INAFM2: variants seen among roughly 807,000 people sequenced by gnomAD.
The protein encoded by INAFM2 is putative transmembrane protein INAFM2.
In INAFM2, 3 loss-of-function variants were observed where a neutral mutation model predicts 5.6. The ratio of observed to expected loss-of-function variants is 0.54; its 90% CI spans 0.24 to 1.39. The LOEUF (loss-of-function observed/expected upper bound fraction) is 1.39. Ranked by LOEUF, INAFM2 falls within the 40% of genes most tolerant of loss-of-function variation. INAFM2 has a pLI of 0.16. For missense variants in INAFM2, 186 were observed against 217.5 expected, an observed-to-expected ratio of 0.86 and a Z score of 0.91; for synonymous variants, 113 against 109.1, an observed-to-expected ratio of 1.04 and a Z score of -0.22.
rs961004579 is a variant in INAFM2 at position 40,324,662 on chromosome 15, G to C, written c.*145G>C. The C allele has an allele frequency of 5.4e-6, 3 of 550,836 alleles. No individual in the cohort carries two copies. In the Admixed American group the frequency reaches 1.3e-4, roughly 25 times the overall value. The allele number at this position is 550,836 out of a possible 1,614,324, so 34.1% of individuals were successfully genotyped here. On this transcript the variant is annotated 3_prime_UTR_variant, in exon 1 of 1. Transcript: ENST00000638170. ...ACTCCCACCATCGCCGGCTGGCCCC[G>C]GAGCGGGAGGCCCGCAGCCAGATCT...
rs1322533414 is a variant in INAFM2 at position 40,324,193 on chromosome 15, G to A, written c.138G>A (p.Val46=). ...LATVFAYVLS[V]SLAAIVLAVY... is the part of the protein sequence containing the mutation. ...CCGTGTTCGCCTACGTGCTCTCCGTGTCGCTGGCCGCCATCGTGCTCGCCG... is the reference window on the plus strand; with the variant it reads ...CCGTGTTCGCCTACGTGCTCTCCGTATCGCTGGCCGCCATCGTGCTCGCCG... The change falls in exon 1 of 1, where the codon GTG becomes GTA. Residue 46 remains valine (V), a synonymous_variant. Coordinates refer to ENST00000638170, the MANE Select transcript of INAFM2 (RefSeq NM_001301268.2). The A allele has an allele frequency of 7.3e-6, 9 of 1,229,362 alleles. No individual in the cohort carries two copies. The highest frequency in any genetic ancestry group is 1.6e-5 in the African/African-American group (1 of 64,268). 76.2% of individuals were successfully genotyped at this position (1,229,362 alleles called of 1,614,324 possible). A position where few individuals can be genotyped will look rare whatever the true frequency, so the allele number is the denominator to read the frequency against.
chr15:40,324,029 CACCGGGGCAAAG>C lies in INAFM2; in HGVS notation c.-26_-15del. ...GCCCCCTCCAGCCGGGGCCGTGGAG[CACCGGGGCAAAG>C]GCCGGGGCCCCCCCATGAAGGAGCG... On this transcript the variant is annotated 5_prime_UTR_variant, in exon 1 of 1. Coordinates refer to ENST00000638170, the MANE Select transcript of INAFM2 (RefSeq NM_001301268.2). The C allele has an allele frequency of 3.3e-6, 4 of 1,217,638 alleles. No homozygotes were observed. The highest frequency in any genetic ancestry group is 4.1e-6 in the Non-Finnish European group (4 of 976,650). 75.4% of individuals were successfully genotyped at this position (1,217,638 alleles called of 1,614,324 possible).
In INAFM2 at chr15:40,324,904, T is replaced by G; in HGVS notation, c.*387T>G. 5.9e-6 allele frequency: 1 copy of G among 168,732 alleles called. No homozygotes were observed. The highest frequency in any genetic ancestry group is 1.3e-5 in the Non-Finnish European group (1 of 79,370). The allele number at this position is 168,732 out of a possible 1,614,324, so 10.5% of individuals were successfully genotyped here. ...AGGATGGAGCTGTAGGGGCTCTTTT[T>G]AAGTAAGCTGAAGCTCTCGAAAGGA... is the stretch of plus-strand genomic sequence containing the variant. On this transcript the variant is annotated 3_prime_UTR_variant, in exon 1 of 1. Coordinates refer to ENST00000638170, the MANE Select transcript of INAFM2 (RefSeq NM_001301268.2).
In INAFM2 at chr15:40,324,562, C is replaced by CA. The variant is rs1888755170; in HGVS notation, c.*46dup. On this transcript the variant is annotated 3_prime_UTR_variant, in exon 1 of 1. Coordinates refer to ENST00000638170, the MANE Select transcript of INAFM2 (RefSeq NM_001301268.2). The stretch of plus-strand genomic sequence containing the variant: ...CGCCGGGAACCATTCTCCCCAAGCC[C>CA]AGAGGCAGGACTTCGCAGCAGGATG... The CA allele has an allele frequency of 8.3e-7, 1 of 1,202,294 alleles. No homozygotes were observed. Among genetic ancestry groups the CA allele is most frequent in the East Asian group, 3.2e-5 (1 of 31,112 alleles). The allele number at this position is 1,202,294 out of a possible 1,614,324, so 74.5% of individuals were successfully genotyped here.
Position 40,324,143 on chromosome 15 carries a change from A to C in INAFM2, c.88A>C (p.Asn30His), listed in dbSNP as rs1888743177. The C allele has an allele frequency of 1.6e-6, 2 of 1,229,364 alleles. No individual in the cohort carries two copies. Among genetic ancestry groups the C allele is most frequent in the Admixed American group, 8.5e-5 (2 of 23,588 alleles). 76.2% of individuals were successfully genotyped at this position (1,229,364 alleles called of 1,614,324 possible). Residue 30 changes from asparagine (N) to histidine (H), a missense_variant, in exon 1 of 1, where the codon AAC becomes CAC. Around this residue, in one of 2 missense-constraint regions of INAFM2, gnomAD observed 38 missense variants for 77.3 expected, o/e 0.49. Coordinates refer to ENST00000638170, the MANE Select transcript of INAFM2 (RefSeq NM_001301268.2). ...GAAGGCGAAGATGGCGGCCAAGACCAACAAGAAGTGGGTCCGGCTCGCCAC... is the reference window on the plus strand; with the variant it reads ...GAAGGCGAAGATGGCGGCCAAGACCCACAAGAAGTGGGTCCGGCTCGCCAC... ...DKKAKMAAKTNKKWVRLATVF... is the reference protein window; with the variant it reads ...DKKAKMAAKTHKKWVRLATVF...
rs1888793688 is a variant in INAFM2 at position 40,326,298 on chromosome 15, C to G, written c.*1781C>G. The stretch of plus-strand genomic sequence containing the variant: ...GAGATGGGGAAGAAACATAAAATGC[C>G]ACTTTACAACTTCAATAATAGCCTG... On this transcript the variant is annotated 3_prime_UTR_variant, in exon 1 of 1. Transcript: ENST00000638170. 1 of 152,198 alleles carries G rather than the reference C, an allele frequency of 6.6e-6. No individual in the cohort carries two copies. The highest frequency in any genetic ancestry group is 1.5e-5 in the Non-Finnish European group (1 of 68,034). The allele number at this position is 152,198 out of a possible 1,614,324, so 9.4% of individuals were successfully genotyped here.
At position 40,323,953 on chromosome 15, in the gene INAFM2, G is replaced by A. The variant is rs1888738556; in HGVS notation, c.-103G>A. On this transcript the variant is annotated 5_prime_UTR_variant, in exon 1 of 1. Transcript: ENST00000638170. This position sits in a 1 kb window ranked among gnomAD's most constrained non-coding sequence, Gnocchi z 5.6. ...AGCGGCGGCGGAGCGCGGGGCCGCC[G>A]GGAACCGAGGGCGCCGGGCCGCCCC... 1.8e-5 allele frequency: 10 copies of A among 566,606 alleles called. No individual in the cohort carries two copies. Among genetic ancestry groups the A allele is most frequent in the Non-Finnish European group, 2.5e-5 (10 of 398,742 alleles). 35.1% of individuals were successfully genotyped at this position (566,606 alleles called of 1,614,324 possible). A position where few individuals can be genotyped will look rare whatever the true frequency, so the allele number is the denominator to read the frequency against.
chr15:40,324,775 G>C lies in INAFM2; in HGVS notation c.*258G>C, dbSNP rs992481403. 3 of 328,556 alleles carry C rather than the reference G, an allele frequency of 9.1e-6. No individual in the cohort carries two copies. Among genetic ancestry groups the C allele is most frequent in the African/African-American group, 2.2e-5 (1 of 46,256 alleles). 20.4% of individuals were successfully genotyped at this position (328,556 alleles called of 1,614,324 possible). A position where few individuals can be genotyped will look rare whatever the true frequency, so the allele number is the denominator to read the frequency against. On this transcript the variant is annotated 3_prime_UTR_variant, in exon 1 of 1. Transcript: ENST00000638170. ...CAGGGCCCTGAGCCGTAGGGGGATG[G>C]GGGGAGGGGTGGGGAGATCCCGGCA...
Position 40,324,589 on chromosome 15 carries a change from G to A in INAFM2, c.*72G>A. On this transcript the variant is annotated 3_prime_UTR_variant, in exon 1 of 1. Coordinates refer to ENST00000638170, the MANE Select transcript of INAFM2 (RefSeq NM_001301268.2). ...GAGGCAGGACTTCGCAGCAGGATGG[G>A]GTGGAGAGCCCGCGGGAGTGACCCC... 1 of 1,097,142 alleles carries A rather than the reference G, an allele frequency of 9.1e-7. No individual in the cohort carries two copies. Among genetic ancestry groups the A allele is most frequent in the Non-Finnish European group, 1.2e-6 (1 of 869,148 alleles). 68.0% of individuals were successfully genotyped at this position (1,097,142 alleles called of 1,614,324 possible). A position where few individuals can be genotyped will look rare whatever the true frequency, so the allele number is the denominator to read the frequency against.
chr15:40,324,253 C>A lies in INAFM2; in HGVS notation c.198C>A (p.Ala66=). The part of the protein sequence containing the change: ...YYSLIWQPVG[A]GTSGGAAGPP... Reference sequence around the variant, plus strand: ...GCCTCATCTGGCAGCCGGTGGGCGCCGGGACCTCGGGGGGAGCCGCTGGCC... The same window carrying A: ...GCCTCATCTGGCAGCCGGTGGGCGCAGGGACCTCGGGGGGAGCCGCTGGCC... Residue 66 remains alanine, a synonymous_variant, in exon 1 of 1, where the codon GCC becomes GCA. Coordinates refer to ENST00000638170, the MANE Select transcript of INAFM2 (RefSeq NM_001301268.2). 8.1e-7 allele frequency: 1 copy of A among 1,229,462 alleles called. No individual in the cohort carries two copies. The highest frequency in any genetic ancestry group is 1.0e-6 in the Non-Finnish European group (1 of 986,638). 76.2% of individuals were successfully genotyped at this position (1,229,462 alleles called of 1,614,324 possible).
At position 40,323,894 on chromosome 15, in the gene INAFM2, A is replaced by C; in HGVS notation, c.-162A>C. On this transcript the variant is annotated 5_prime_UTR_variant, in exon 1 of 1. Coordinates refer to ENST00000638170, the MANE Select transcript of INAFM2 (RefSeq NM_001301268.2). The surrounding 1 kb of genome is among the most constrained non-coding windows in gnomAD (Gnocchi z 5.6). ...CCAGGCCCCGGCGGCGGCTGCAGCA[A>C]CGCGGTGGCGGGCTGCGGGCGGGCG... 5.1e-6 allele frequency: 1 copy of C among 195,896 alleles called. No individual in the cohort carries two copies. 12.1% of individuals were successfully genotyped at this position (195,896 alleles called of 1,614,324 possible).
rs1888751978 is a variant in INAFM2 at position 40,324,463 on chromosome 15, T to C, written c.408T>C (p.Pro136=). 14 of 1,198,334 alleles carry C rather than the reference T, an allele frequency of 1.2e-5. No homozygotes were observed. Among genetic ancestry groups the C allele is most frequent in the Non-Finnish European group, 1.4e-5 (14 of 967,230 alleles). The allele number at this position is 1,198,334 out of a possible 1,614,324, so 74.2% of individuals were successfully genotyped here. The change falls in exon 1 of 1, where the codon CCT becomes CCC. Residue 136 remains proline (P), a synonymous_variant. Coordinates refer to ENST00000638170, the MANE Select transcript of INAFM2 (RefSeq NM_001301268.2). Reference sequence around the variant, plus strand: ...CCCCGGCCGGGCCGCTCGAGCGGCCTCGGGGGCCGGACGAGGACGAAGAGG... The same window carrying C: ...CCCCGGCCGGGCCGCTCGAGCGGCCCCGGGGGCCGGACGAGGACGAAGAGG... The part of the protein sequence containing the change: ...DSPPAGPLER[P]RGPDEDEEET...
At position 40,324,367 on chromosome 15, in the gene INAFM2, C is replaced by A. The variant is rs1028471057; in HGVS notation, c.312C>A (p.Arg104=). 99 of 1,222,218 alleles carry A rather than the reference C, an allele frequency of 8.1e-5. No homozygotes were observed. In the African/African-American group the frequency reaches 1.1e-3, roughly 14 times the overall value. 75.7% of individuals were successfully genotyped at this position (1,222,218 alleles called of 1,614,324 possible). ...CCAACACCACTGGGTCGTCCCGCCG[C>A]GAGGCGCCGCGCGACGTTCCCCCAC... ...AGPNTTGSSR[R]EAPRDVPPLQ... The change falls in exon 1 of 1, where the codon CGC becomes CGA. Residue 104 remains arginine, a synonymous_variant. Coordinates refer to ENST00000638170, the MANE Select transcript of INAFM2 (RefSeq NM_001301268.2).
In INAFM2 at chr15:40,324,760, A is replaced by G. The variant is rs984066346; in HGVS notation, c.*243A>G. ...AGGACCGTGCTGCACCAGGGCCCTG[A>G]GCCGTAGGGGGATGGGGGGAGGGGT... On this transcript the variant is annotated 3_prime_UTR_variant, in exon 1 of 1. Transcript: ENST00000638170. 2.4e-5 allele frequency: 7 copies of G among 297,134 alleles called. No homozygotes were observed. In the Admixed American group the frequency reaches 3.6e-4, roughly 15 times the overall value. 18.4% of individuals were successfully genotyped at this position (297,134 alleles called of 1,614,324 possible).
In INAFM2 at chr15:40,324,337, G is replaced by A. The variant is rs901591308; in HGVS notation, c.282G>A (p.Ala94=). ...GPSGTSGAAA[A]GPNTTGSSRR... Reference sequence around the variant, plus strand: ...CTGGGACTTCGGGGGCGGCGGCGGCGGGGCCCAACACCACTGGGTCGTCCC... The same window carrying A: ...CTGGGACTTCGGGGGCGGCGGCGGCAGGGCCCAACACCACTGGGTCGTCCC... Residue 94 remains alanine, a synonymous_variant, in exon 1 of 1, where the codon GCG becomes GCA. Transcript: ENST00000638170. The A allele has an allele frequency of 3.3e-6, 4 of 1,226,180 alleles. No individual in the cohort carries two copies. Among genetic ancestry groups the A allele is most frequent in the Non-Finnish European group, 3.0e-6 (3 of 984,470 alleles). 76.0% of individuals were successfully genotyped at this position (1,226,180 alleles called of 1,614,324 possible).
chr15:40,323,772 G>GGGCGGCTGTGGCGGCTGTGGCGGCTGT lies in INAFM2; in HGVS notation c.-280_-254dup, dbSNP rs1210465981. The GGGCGGCTGTGGCGGCTGTGGCGGCTGT allele has an allele frequency of 6.8e-6, 1 of 147,156 alleles. No homozygotes were observed. Among genetic ancestry groups the GGGCGGCTGTGGCGGCTGTGGCGGCTGT allele is most frequent in the Non-Finnish European group, 1.5e-5 (1 of 66,056 alleles). The allele number at this position is 147,156 out of a possible 1,614,324, so 9.1% of individuals were successfully genotyped here. A position where few individuals can be genotyped will look rare whatever the true frequency, so the allele number is the denominator to read the frequency against. On this transcript the variant is annotated 5_prime_UTR_variant, in exon 1 of 1. Coordinates refer to ENST00000638170, the MANE Select transcript of INAFM2 (RefSeq NM_001301268.2). The surrounding 1 kb of genome is among the most constrained non-coding windows in gnomAD (Gnocchi z 5.6). ...TGGCGGCGGATGGGGACGCGGAGCC[G>GGGCGGCTGTGGCGGCTGTGGCGGCTGT]GGCGGCTGTGGCGGCTGTGGCGGCT... is the stretch of plus-strand genomic sequence containing the variant.
rs1188655616 is a variant in INAFM2 at position 40,324,333 on chromosome 15, C to T, written c.278C>T (p.Ala93Val). 2.4e-6 allele frequency: 3 copies of T among 1,226,394 alleles called. No homozygotes were observed. The Admixed American group carries it at 1.3e-4, about 52-fold the overall frequency. 76.0% of individuals were successfully genotyped at this position (1,226,394 alleles called of 1,614,324 possible). A position where few individuals can be genotyped will look rare whatever the true frequency, so the allele number is the denominator to read the frequency against. ...TGPSGTSGAAAAGPNTTGSSR... is the reference protein window; with the variant it reads ...TGPSGTSGAAVAGPNTTGSSR... ...CCGTCTGGGACTTCGGGGGCGGCGG[C>T]GGCGGGGCCCAACACCACTGGGTCG... is the stretch of plus-strand genomic sequence containing the variant. The change falls in exon 1 of 1, where the codon GCG becomes GTG. Residue 93 changes from alanine to valine, a missense_variant. By Grantham distance (64) the Ala-to-Val change is moderately conservative. Transcript: ENST00000638170.
Position 40,324,127 on chromosome 15 carries a change from G to C in INAFM2, c.72G>C (p.Lys24Asn). Residue 24 changes from lysine to asparagine, a missense_variant, in exon 1 of 1, where the codon AAG (lysine) becomes AAC (asparagine). Physicochemically the swap from Lys to Asn is moderately conservative, Grantham distance 94. Transcript: ENST00000638170. ...CCTACACCGGGGACAAGAAGGCGAA[G>C]ATGGCGGCCAAGACCAACAAGAAGT... is the stretch of plus-strand genomic sequence containing the variant. The part of the protein sequence containing the change: ...PATYTGDKKA[K>N]MAAKTNKKWV... 1 of 1,229,676 alleles carries C rather than the reference G, an allele frequency of 8.1e-7. No individual in the cohort carries two copies. Among genetic ancestry groups the C allele is most frequent in the Non-Finnish European group, 1.0e-6 (1 of 986,718 alleles). The allele number at this position is 1,229,676 out of a possible 1,614,324, so 76.2% of individuals were successfully genotyped here. A position where few individuals can be genotyped will look rare whatever the true frequency, so the allele number is the denominator to read the frequency against.
rs1053989270 is a variant in INAFM2, at chr15:40,326,060, C to T, written c.*1543C>T. 1.8e-4 allele frequency: 27 copies of T among 152,156 alleles called. No homozygotes were observed. The highest frequency in any genetic ancestry group is 1.6e-3 in the Admixed American group (25 of 15,282). The allele number at this position is 152,156 out of a possible 1,614,324, so 9.4% of individuals were successfully genotyped here. ...ACAGTTTGTCTCTCCAGTTTTCTGG[C>T]CTATACTCTAGTTAGCTCTGATCCA... On this transcript the variant is annotated 3_prime_UTR_variant, in exon 1 of 1. Transcript: ENST00000638170.
Sources: allele counts gnomAD v4.1 joint callset, GRCh38; gene constraint gnomAD v4.1.1; regional missense constraint gnomAD v4.1.1; non-coding constraint Gnocchi (gnomAD v3.1); transcripts MANE v1.5; gene names NCBI Gene and HGNC (gene_info 2026-07-23, HGNC 2026-07-21).